FREM2: variants seen among roughly 807,000 people sequenced by gnomAD.
The protein encoded by FREM2 is FRAS1 related extracellular matrix 2, also known as FRAS1-related extracellular matrix protein 2.
Under a neutral mutation model 219.9 loss-of-function variants are expected in FREM2, and 119 were observed. That is an observed-to-expected ratio of 0.54 (90% CI 0.47 to 0.63). The LOEUF (loss-of-function observed/expected upper bound fraction) is 0.63. Among genes scored for constraint, FREM2 ranks in the 30% least tolerant of loss-of-function variants. The pLI, the probability that FREM2 is intolerant of heterozygous loss-of-function variation, is 0.00. For synonymous variants in FREM2, 1,562 were observed against 1,522.8 expected (o/e 1.03, Z -0.60); for missense variants, 4,030 against 3,993.6 (o/e 1.01, Z -0.25).
chr13:38,872,866 C>T lies in FREM2; in HGVS notation c.8108C>T (p.Thr2703Ile). 1.2e-6 allele frequency: 2 copies of T among 1,614,054 alleles called. No homozygotes were observed. The highest frequency in any genetic ancestry group is 2.2e-5 in the East Asian group (1 of 44,886). Residue 2703 changes from threonine (T) to isoleucine (I), a missense_variant, in exon 17 of 24, where the codon ACT becomes ATT. Coordinates refer to ENST00000280481, the MANE Select transcript of FREM2 (RefSeq NM_207361.6). ...GACTTGAAGTCAGAGCTTCGTCTAA[C>T]TTTTGTGTACGACACCGCCATCTTG... Reference protein sequence around the residue: ...HFDLKSELRLTFVYDTAILWN... With the variant: ...HFDLKSELRLIFVYDTAILWN...
chr13:38,794,889 A>C (rs1161664444), intron 6 of FREM2, among the ~76,000 whole-genome samples: 1 of 152,176 alleles, frequency 6.6e-6, no homozygotes, highest in Non-Finnish European at 1.5e-5. Flanking sequence ...TAAGGACTTT[A>C]CATGAATAAT....
At chr13:38,780,041 G>T (rs149771357) in intron 4 of FREM2, among the ~76,000 whole-genome samples, 1 of 151,890 alleles carries the variant, frequency 6.6e-6, no homozygotes, top group East Asian at 1.9e-4. Context: ...TCCCCTGTGT[G>T]ATTTTATTTT....
chr13:38,816,643 G>A (rs1188523704), intron 6 of FREM2, among the ~76,000 whole-genome samples: 1 of 150,244 alleles, frequency 6.7e-6, no homozygotes, highest in African/African-American at 2.5e-5. Flanking sequence ...AAAATTGTAA[G>A]CTTTTCCTGT....
intron 6 of FREM2, among the ~76,000 whole-genome samples, chr13:38,792,016 T>G (rs2137839590): frequency 6.6e-6 from 1 of 152,252 alleles, no homozygotes; most frequent in Non-Finnish European, 1.5e-5. Flanking sequence ...TACCATATAC[T>G]TAACACAAAT....
rs1490372316 is a variant in FREM2 at position 38,688,400 on chromosome 13, T to A, written c.1056T>A (p.Ser352=). 1 of 1,614,006 alleles carries A rather than the reference T, an allele frequency of 6.2e-7. No individual in the cohort carries two copies. Among genetic ancestry groups the A allele is most frequent in the Non-Finnish European group, 8.5e-7 (1 of 1,179,896 alleles). The change falls in exon 1 of 24, where the codon TCT becomes TCA. Residue 352 remains serine (S), a synonymous_variant. Transcript: ENST00000280481. Reference sequence around the variant, plus strand: ...CAGCCGAGGATGCTGAGTCTCCCTCTGACCTGTTGATCTTCAACCTTACTT... The same window carrying A: ...CAGCCGAGGATGCTGAGTCTCCCTCAGACCTGTTGATCTTCAACCTTACTT... The part of the protein sequence containing the change: ...MLAAEDAESP[S]DLLIFNLTSP...
At chr13:38,769,519 A>G in intron 3 of FREM2, 59 bp from the exon 4 acceptor site, 9 of 1,446,458 alleles carry the variant, frequency 6.2e-6, no homozygotes, top group Non-Finnish European at 7.7e-6. Flanking sequence ...TTAACAAGGA[A>G]AATCTTAATA....
chr13:38,792,222 G>T (rs1489370818), intron 6 of FREM2, among the ~76,000 whole-genome samples: 1 of 152,138 alleles, frequency 6.6e-6, no homozygotes, highest in Admixed American at 6.5e-5. Context: ...GGTGGCACGT[G>T]CCTGTAATCC....
At position 38,690,972 on chromosome 13, in the gene FREM2, AC is replaced by A; in HGVS notation, c.3629del (p.Thr1210AsnfsTer16). The A allele has an allele frequency of 6.2e-7, 1 of 1,614,082 alleles. No homozygotes were observed. The highest frequency in any genetic ancestry group is 8.5e-7 in the Non-Finnish European group (1 of 1,180,028). Reference sequence around the variant, plus strand: ...GGAAGGCATGAGTCTGGTAATTGATACACCCATTCTCAATGCTGCTGATGCT... The same window carrying A: ...GGAAGGCATGAGTCTGGTAATTGATAACCCATTCTCAATGCTGCTGATGCT... ...VMEGMSLVID[T>X]PILNAADADV... is the part of the protein sequence containing the mutation. On this transcript the variant is annotated frameshift_variant, in exon 1 of 24. Coordinates refer to ENST00000280481, the MANE Select transcript of FREM2 (RefSeq NM_207361.6). LOFTEE classifies it high-confidence loss of function.
chr13:38,718,888 C>G (rs1355011001), intron 2 of FREM2, among the ~76,000 whole-genome samples: 1 of 152,174 alleles, frequency 6.6e-6, no homozygotes, highest in African/African-American at 2.4e-5. Flanking sequence ...ATTACAGGAG[C>G]AGTCAGTCGT....
chr13:38,775,337 A>G (rs1330083372), intron 4 of FREM2, among the ~76,000 whole-genome samples: 1 of 152,240 alleles, frequency 6.6e-6, no homozygotes, highest in East Asian at 1.9e-4. Flanking sequence ...AGATGATGAT[A>G]CAGAAATGAT....
rs143135965 is a variant in FREM2, at chr13:38,690,660, A to G, written c.3316A>G (p.Ile1106Val). The change falls in exon 1 of 24, where the codon ATA becomes GTA. Residue 1106 changes from isoleucine to valine, a missense_variant. Physicochemically the swap from Ile to Val is conservative, Grantham distance 29 (BLOSUM62 3). This residue lies in a region of FREM2 where 3,102 missense variants were observed against 2,950.7 expected (regional missense o/e 1.05). Transcript: ENST00000280481. ...DSLNDDILCTIVIQPTSGYVE... is the reference protein window; with the variant it reads ...DSLNDDILCTVVIQPTSGYVE... ...CCTGAATGATGACATCTTGTGCACTATAGTTATTCAGCCTACTTCAGGTTA... is the reference window on the plus strand; with the variant it reads ...CCTGAATGATGACATCTTGTGCACTGTAGTTATTCAGCCTACTTCAGGTTA... The G allele has an allele frequency of 5.0e-6, 8 of 1,613,812 alleles. No individual in the cohort carries two copies. The highest frequency in any genetic ancestry group is 3.3e-5 in the Admixed American group (2 of 59,996).
At position 38,690,574 on chromosome 13, in the gene FREM2, T is replaced by A; in HGVS notation, c.3230T>A (p.Val1077Glu). Residue 1077 changes from valine (V) to glutamate (E), a missense_variant, in exon 1 of 24, where the codon GTA becomes GAA. By Grantham distance (121) the Val-to-Glu change is moderately radical. Coordinates refer to ENST00000280481, the MANE Select transcript of FREM2 (RefSeq NM_207361.6). The stretch of plus-strand genomic sequence containing the variant: ...ATCTTTGTAGGTGAACAGTTGATAG[T>A]AATGGAAGGTGATAAAAGTGTTATA... The part of the protein sequence containing the change: ...PEIFVGEQLI[V>E]MEGDKSVITS... The A allele has an allele frequency of 6.2e-7, 1 of 1,614,146 alleles. No homozygotes were observed. Among genetic ancestry groups the A allele is most frequent in the Non-Finnish European group, 8.5e-7 (1 of 1,180,030 alleles).
At position 38,690,303 on chromosome 13, in the gene FREM2, G is replaced by T; in HGVS notation, c.2959G>T (p.Asp987Tyr). Reference sequence around the variant, plus strand: ...CTTGATGTTGACTTTCCTCTTGGAAGATCCACCTTTGTATGGGGAAATCTT... The same window carrying T: ...CTTGATGTTGACTTTCCTCTTGGAATATCCACCTTTGTATGGGGAAATCTT... The part of the protein sequence containing the change: ...DDLMLTFLLE[D>Y]PPLYGEILVN... The change falls in exon 1 of 24, where the codon GAT (aspartate) becomes TAT (tyrosine). Residue 987 changes from aspartate to tyrosine, a missense_variant. Asp to Tyr is a radical substitution (Grantham distance 160). Around this residue, in one of 2 missense-constraint regions of FREM2, gnomAD observed 3,102 missense variants for 2,950.7 expected, o/e 1.05. Transcript: ENST00000280481. 1 of 1,614,230 alleles carries T rather than the reference G, an allele frequency of 6.2e-7. No individual in the cohort carries two copies. The highest frequency in any genetic ancestry group is 8.5e-7 in the Non-Finnish European group (1 of 1,180,036).
intron 19 of FREM2, 43 bp downstream of exon 19, chr13:38,876,192 C>T: frequency 2.5e-6 from 4 of 1,613,834 alleles, no homozygotes; most frequent in East Asian, 2.2e-5. Context: ...CTGCTGCTGC[C>T]ATCTGATTAC....
chr13:38,687,943 TG>T lies in FREM2; in HGVS notation c.601del (p.Asp201ThrfsTer53). 1 of 1,607,486 alleles carries T rather than the reference TG, an allele frequency of 6.2e-7. No homozygotes were observed. Among genetic ancestry groups the T allele is most frequent in the Non-Finnish European group, 8.5e-7 (1 of 1,176,442 alleles). Reference protein sequence around the residue: ...VEELLGTSNALDARSLEFAFQ... With the variant: ...VEELLGTSNAXDARSLEFAFQ... ...GAGCTGCTGGGGACCAGCAATGCCC[TG>T]GACGCGCGGAGCCTGGAGTTCGCCT... On this transcript the variant is annotated frameshift_variant, in exon 1 of 24. Coordinates refer to ENST00000280481, the MANE Select transcript of FREM2 (RefSeq NM_207361.6). LOFTEE classifies it high-confidence loss of function.
chr13:38,789,506 A>G (rs1237450864), intron 6 of FREM2, among the ~76,000 whole-genome samples: 3 of 149,468 alleles, frequency 2.0e-5, no homozygotes, highest in African/African-American at 7.4e-5. Flanking sequence ...AGAAGTTTGT[A>G]TATTTTATTC....
Position 38,823,861 on chromosome 13 carries a change from G to GT in FREM2, c.6020-22712_6020-22711insT, listed in dbSNP as rs747828498. On this transcript the variant is annotated intron_variant, in intron 6 of 23. Coordinates refer to ENST00000280481, the MANE Select transcript of FREM2 (RefSeq NM_207361.6). ...AAAAGGATGAAGATGCAAGAAAAAA[G>GT]GTTGTGGCCCATAGTATTAAATTCT... Among the ~76,000 whole-genome samples, 1,164 of 152,102 alleles carry GT rather than the reference G, an allele frequency of 7.7e-3. 7 individuals are homozygous for GT. Among genetic ancestry groups the GT allele is most frequent in the Non-Finnish European group, 0.011 (729 of 67,976 alleles).
chr13:38,795,550 A>G (rs928926251), intron 6 of FREM2, among the ~76,000 whole-genome samples: 1 of 152,114 alleles, frequency 6.6e-6, no homozygotes, highest in South Asian at 2.1e-4. Flanking sequence ...TTTGGAGGAT[A>G]TTCATCACCT....
At chr13:38,820,708 A>G (rs1876009837) in intron 6 of FREM2, among the ~76,000 whole-genome samples, 1 of 152,142 alleles carries the variant, frequency 6.6e-6, no homozygotes, top group African/African-American at 2.4e-5. Flanking sequence ...TATTGAAATC[A>G]TAAAACATAC....
Sources: allele counts gnomAD v4.1 joint callset (sites outside exome capture counted in the v4.1 genomes callset), GRCh38; gene constraint gnomAD v4.1.1; regional missense constraint gnomAD v4.1.1; transcripts MANE v1.5; gene names NCBI Gene and HGNC (gene_info 2026-07-23, HGNC 2026-07-21).